The following CORIN variants were observed in gnomAD, a reference collection of about 807,000 sequenced individuals.
CORIN encodes the protein atrial natriuretic peptide-converting enzyme.
In CORIN, 117 loss-of-function variants were observed where a neutral mutation model predicts 125.3. That is an observed-to-expected ratio of 0.93 (90% CI 0.80 to 1.09). CORIN has a LOEUF of 1.09. CORIN is among the 50% of genes least tolerant of loss of function. The pLI, the probability that CORIN is intolerant of heterozygous loss-of-function variation, is 0.00. For synonymous variants in CORIN, 450 were observed against 466.4 expected (o/e 0.96, Z 0.45); for missense variants, 1,253 against 1,306.7 (o/e 0.96, Z 0.63).
chr4:47,792,740 C>G (rs1325649365), intron 2 of CORIN, among the ~76,000 whole-genome samples: 1 of 152,138 alleles, frequency 6.6e-6, no homozygotes, highest in Non-Finnish European at 1.5e-5. Flanking sequence ...AAAAGTGTTG[C>G]TTCTAGGCAG....
At chr4:47,772,596 T>C (rs542231259) in intron 3 of CORIN, among the ~76,000 whole-genome samples, 113 of 152,346 alleles carry the variant, frequency 7.4e-4, no homozygotes, top group South Asian at 2.3e-3. Flanking sequence ...CACAGTCTGA[T>C]TCAAAATCCT....
At chr4:47,723,482 A>G (rs754152492) in intron 5 of CORIN, among the ~76,000 whole-genome samples, 6 of 152,208 alleles carry the variant, frequency 3.9e-5, no homozygotes, top group Non-Finnish European at 7.3e-5. Flanking sequence ...GGGAGGATCC[A>G]GAGAGCACTA....
intron 5 of CORIN, among the ~76,000 whole-genome samples, chr4:47,700,646 G>A (rs968914542): frequency 2.0e-5 from 3 of 152,192 alleles, no homozygotes; most frequent in Non-Finnish European, 2.9e-5. Flanking sequence ...GACAGAACGC[G>A]CCATTGTGTC....
At chr4:47,700,968 G>T (rs1428452807) in intron 5 of CORIN, among the ~76,000 whole-genome samples, 1 of 152,158 alleles carries the variant, frequency 6.6e-6, no homozygotes, top group Non-Finnish European at 1.5e-5. Context: ...TTAGTAGATG[G>T]TGCTATTATA....
chr4:47,650,535 A>G (rs1369700004), intron 13 of CORIN, among the ~76,000 whole-genome samples: 1 of 152,200 alleles, frequency 6.6e-6, no homozygotes, highest in Non-Finnish European at 1.5e-5. Flanking sequence ...TCAAATCTAT[A>G]GAGTGATAGA....
chr4:47,752,689 A>G (rs1577891363), intron 4 of CORIN, among the ~76,000 whole-genome samples: 1 of 152,196 alleles, frequency 6.6e-6, no homozygotes, highest in African/African-American at 2.4e-5. Flanking sequence ...AGAAACTTAG[A>G]AAATACTAAC....
intron 19 of CORIN, among the ~76,000 whole-genome samples, chr4:47,620,606 T>C (rs1304412813): frequency 6.6e-6 from 1 of 152,004 alleles, no homozygotes; most frequent in Middle Eastern, 3.2e-3. Flanking sequence ...GGTAAATGAG[T>C]GTGGGAGAAT....
At chr4:47,648,854 G>A (rs1723608253) in intron 13 of CORIN, among the ~76,000 whole-genome samples, 1 of 152,178 alleles carries the variant, frequency 6.6e-6, no homozygotes, top group South Asian at 2.1e-4. Flanking sequence ...CCCAGGAAGT[G>A]GCTGTGGATG....
rs974269321 is a variant in CORIN at position 47,642,141 on chromosome 4, C to T, written c.2069-92G>A. 25 of 1,281,656 alleles carry T rather than the reference C, an allele frequency of 2.0e-5. No homozygotes were observed. In the East Asian group the frequency reaches 5.1e-4, roughly 26 times the overall value. The allele number at this position is 1,281,656 out of a possible 1,614,324, so 79.4% of individuals were successfully genotyped here. On this transcript the variant is annotated intron_variant, in intron 15 of 21. Transcript: ENST00000273857. ...TACATGCCTCTGCTTCATTGGCATA[C>T]ATTCATTTTCATTTATTTTAGTTAA...
chr4:47,623,096 C>CTCTCTCTCTCTATATATATA (rs771867590), intron 19 of CORIN, among the ~76,000 whole-genome samples: 5 of 102,298 alleles, frequency 4.9e-5, no homozygotes. Flanking sequence ...CTCTCTCTCT[C>CTCTCTCTCTCTATATATATA]TATATATATA....
intron 19 of CORIN, among the ~76,000 whole-genome samples, chr4:47,616,457 G>A (rs1302596559): frequency 6.6e-6 from 1 of 151,858 alleles, no homozygotes; most frequent in Non-Finnish European, 1.5e-5. Flanking sequence ...AAAATGAGCT[G>A]AAAAAAGAGA....
At chr4:47,775,291 C>T (rs1215996621) in intron 3 of CORIN, among the ~76,000 whole-genome samples, 2 of 151,828 alleles carry the variant, frequency 1.3e-5, no homozygotes, top group African/African-American at 2.4e-5. Flanking sequence ...CCTATGTATA[C>T]ATGTGCCATG....
At position 47,632,749 on chromosome 4, in the gene CORIN, A is replaced by AGAT. The variant is rs745322789; in HGVS notation, c.2199-6231_2199-6229dup. Among the ~76,000 whole-genome samples, 10 of 116,684 alleles carry AGAT rather than the reference A, an allele frequency of 8.6e-5. No individual in the cohort carries two copies. The East Asian group carries it at 9.2e-4, about 11-fold the overall frequency. The allele number at this position is 116,684 out of a possible 152,430, so 76.5% of individuals were successfully genotyped here. On this transcript the variant is annotated intron_variant, in intron 16 of 21. Transcript: ENST00000273857. ...ATGATAGATAGATAGATAGATAGAT[A>AGAT]GATAGATAGATAGATAGAGATAGAT...
At chr4:47,688,198 A>G (rs968050446) in intron 6 of CORIN, among the ~76,000 whole-genome samples, 1 of 152,108 alleles carries the variant, frequency 6.6e-6, no homozygotes, top group African/African-American at 2.4e-5. Context: ...GCTTCTAGTA[A>G]TCTTACTCTT....
chr4:47,745,179 T>C (rs1326029235), intron 4 of CORIN, among the ~76,000 whole-genome samples: 1 of 152,208 alleles, frequency 6.6e-6, no homozygotes, highest in African/African-American at 2.4e-5. Flanking sequence ...TGTCTGTTAA[T>C]AGTATGAGTA....
intron 20 of CORIN, among the ~76,000 whole-genome samples, chr4:47,602,694 G>A (rs1560467998): frequency 6.6e-6 from 1 of 152,168 alleles, no homozygotes; most frequent in Non-Finnish European, 1.5e-5. Flanking sequence ...GAGAGATTCT[G>A]AAGTGTGGAG....
At chr4:47,655,346 G>A (rs994473455) in intron 12 of CORIN, among the ~76,000 whole-genome samples, 1 of 152,162 alleles carries the variant, frequency 6.6e-6, no homozygotes, top group Admixed American at 6.5e-5. Context: ...CTTGGCCACA[G>A]CGGGGTAGAA....
intron 18 of CORIN, 31 bp from the exon 19 acceptor site, chr4:47,623,776 G>A: frequency 3.7e-6 from 6 of 1,607,160 alleles, no homozygotes; most frequent in Non-Finnish European, 4.2e-6. Flanking sequence ...CAGTTTGTGA[G>A]TTGATGCCAA....
In CORIN at chr4:47,643,181, G is replaced by T. The variant is rs778140293; in HGVS notation, c.2033C>A (p.Ala678Asp). 6.2e-7 allele frequency: 1 copy of T among 1,614,060 alleles called. No homozygotes were observed. Among genetic ancestry groups the T allele is most frequent in the Non-Finnish European group, 8.5e-7 (1 of 1,179,966 alleles). Residue 678 changes from alanine to aspartate, a missense_variant, in exon 15 of 22, where the codon GCC becomes GAC. Physicochemically the swap from Ala to Asp is moderately radical, Grantham distance 126. Transcript: ENST00000273857. The stretch of plus-strand genomic sequence containing the variant: ...TTCATCTGAACTGTCTGAGCAGTCG[G>T]CTTCACCATCACACCACAGGTCACG... ...VSRDLWCDGEADCSDSSDEWD... is the reference protein window; with the variant it reads ...VSRDLWCDGEDDCSDSSDEWD...
Sources: allele counts gnomAD v4.1 joint callset (sites outside exome capture counted in the v4.1 genomes callset), GRCh38; gene constraint gnomAD v4.1.1; transcripts MANE v1.5; gene names NCBI Gene and HGNC (gene_info 2026-07-23, HGNC 2026-07-21).